The following ADGRG6 variants were observed in gnomAD, a reference collection of about 807,000 sequenced individuals.
ADGRG6 encodes the protein G-protein coupled receptor 126.
In ADGRG6, 84 loss-of-function variants were observed where a neutral mutation model predicts 142.4. The observed-to-expected ratio is 0.59, with a 90% CI of 0.49 to 0.71. The LOEUF (loss-of-function observed/expected upper bound fraction) is 0.71. Ranked by LOEUF, ADGRG6 falls within the 30% of genes least tolerant of loss-of-function variation. The probability of loss-of-function intolerance (pLI) is 0.00; values close to 1 mark genes in which losing one functional copy is unlikely to be tolerated. For missense variants in ADGRG6, 1,367 were observed against 1,466.6 expected (o/e 0.93, Z 1.11); for synonymous variants, 521 against 520.5 (o/e 1.00, Z -0.01).
intron 2 of ADGRG6, among the ~76,000 whole-genome samples, chr6:142,318,171 AT>A (rs1364937190): frequency 5.4e-5 from 2 of 36,958 alleles, no homozygotes; most frequent in Non-Finnish European, 8.1e-5. Flanking sequence ...TATATTATAT[AT>A]TTATATATTA....
In ADGRG6 at chr6:142,302,259, C is replaced by A. The variant is rs565511453; in HGVS notation, c.-71C>A. On this transcript the variant is annotated 5_prime_UTR_variant, in exon 1 of 25. Transcript: ENST00000367609. ...CCTGGGTTCCCCCTGGGTGGAGCAG[C>A]GGCAGCAGAGCGGGAAAGTGGTGGA... 7 of 1,580,372 alleles carry A rather than the reference C, an allele frequency of 4.4e-6. No homozygotes were observed. Among genetic ancestry groups the A allele is most frequent in the South Asian group, 1.2e-5 (1 of 86,570 alleles).
At chr6:142,442,429 T>G (rs1777800620) in intron 24 of ADGRG6, among the ~76,000 whole-genome samples, 1 of 152,058 alleles carries the variant, frequency 6.6e-6, no homozygotes, top group South Asian at 2.1e-4. Context: ...AGAGCATAAG[T>G]GGGTTTCAGA....
At chr6:142,431,868 A>C (rs1408475322) in intron 22 of ADGRG6, among the ~76,000 whole-genome samples, 8 of 152,170 alleles carry the variant, frequency 5.3e-5, no homozygotes, top group Admixed American at 5.2e-4. Flanking sequence ...GGTTGCAGTG[A>C]GCCAAGATCG....
At chr6:142,406,568 T>G (rs533166499) in intron 15 of ADGRG6, among the ~76,000 whole-genome samples, 9 of 152,314 alleles carry the variant, frequency 5.9e-5, no homozygotes, top group African/African-American at 2.2e-4. Context: ...TAGATCTGCC[T>G]TTATATGTCA....
At chr6:142,440,091 G>A (rs1777674459) in intron 24 of ADGRG6, among the ~76,000 whole-genome samples, 1 of 151,960 alleles carries the variant, frequency 6.6e-6, no homozygotes, top group Admixed American at 6.5e-5. Flanking sequence ...TCTTAAAAGA[G>A]GAAAGAAGAT....
chr6:142,339,766 C>A (rs1263964355), intron 2 of ADGRG6, among the ~76,000 whole-genome samples: 1 of 152,112 alleles, frequency 6.6e-6, no homozygotes, highest in African/African-American at 2.4e-5. Context: ...CCTTCTTAGC[C>A]TTTTAATTGC....
intron 2 of ADGRG6, among the ~76,000 whole-genome samples, chr6:142,336,763 T>C (rs1344258205): frequency 6.6e-6 from 1 of 152,238 alleles, no homozygotes; most frequent in African/African-American, 2.4e-5. Context: ...GTGGTATTAT[T>C]GTCACTATGC....
rs1342934500 is a variant in ADGRG6 at position 142,411,307 on chromosome 6, A to G, written c.2437A>G (p.Ser813Gly). 1 of 1,566,848 alleles carries G rather than the reference A, an allele frequency of 6.4e-7. No homozygotes were observed. The highest frequency in any genetic ancestry group is 1.7e-5 in the Admixed American group (1 of 59,882). ...CTGTTTGTTGATTCCTTCAACAGAA[A>G]GTTTTGGAGGATGGAACACGTCAGG... ...CAFWDLNKNK[S>G]FGGWNTSGCV... is the part of the protein sequence containing the mutation. Residue 813 changes from serine (S) to glycine (G), a missense_variant and splice_region_variant, in exon 18 of 25, where the codon AGT becomes GGT. By Grantham distance (56) the Ser-to-Gly change is moderately conservative. Coordinates refer to ENST00000367609, the MANE Select transcript of ADGRG6 (RefSeq NM_198569.3).
In ADGRG6 at chr6:142,443,594, G is replaced by A; in HGVS notation, c.*79G>A. The A allele has an allele frequency of 1.1e-6, 1 of 902,180 alleles. No homozygotes were observed. Among genetic ancestry groups the A allele is most frequent in the East Asian group, 2.5e-5 (1 of 39,718 alleles). The allele number at this position is 902,180 out of a possible 1,614,324, so 55.9% of individuals were successfully genotyped here. On this transcript the variant is annotated 3_prime_UTR_variant, in exon 25 of 25. Coordinates refer to ENST00000367609, the MANE Select transcript of ADGRG6 (RefSeq NM_198569.3). ...GTAAACTGCAACTAGTGATGTAAATGTGCTATTACCTAGGTAACTGCATAT... is the reference window on the plus strand; with the variant it reads ...GTAAACTGCAACTAGTGATGTAAATATGCTATTACCTAGGTAACTGCATAT...
At chr6:142,353,844 G>A (rs895424090) in intron 2 of ADGRG6, among the ~76,000 whole-genome samples, 3 of 152,200 alleles carry the variant, frequency 2.0e-5, no homozygotes, top group South Asian at 2.1e-4. Context: ...GAACTGGATA[G>A]GATATAGTGC....
At chr6:142,318,433 A>G (rs1257762818) in intron 2 of ADGRG6, among the ~76,000 whole-genome samples, 2 of 123,944 alleles carry the variant, frequency 1.6e-5, no homozygotes, top group East Asian at 2.1e-4. Context: ...TATATATTAT[A>G]TATTTATATA....
chr6:142,381,627 G>A (rs1045688477), intron 4 of ADGRG6, among the ~76,000 whole-genome samples: 2 of 152,110 alleles, frequency 1.3e-5, no homozygotes, highest in African/African-American at 4.8e-5. Context: ...TATTTTATTT[G>A]TATGAATTCC....
intron 5 of ADGRG6, among the ~76,000 whole-genome samples, chr6:142,383,542 C>A (rs879708999): frequency 3.3e-5 from 5 of 152,050 alleles, no homozygotes; most frequent in Non-Finnish European, 7.4e-5. Flanking sequence ...GCTCCAGACC[C>A]TTGTGTATTA....
chr6:142,352,249 TGTG>T (rs1780222296), intron 2 of ADGRG6, among the ~76,000 whole-genome samples: 2 of 152,112 alleles, frequency 1.3e-5, no homozygotes, highest in South Asian at 2.1e-4. Context: ...ATAAAGAAAA[TGTG>T]GTCCATGTAC....
intron 22 of ADGRG6, among the ~76,000 whole-genome samples, chr6:142,433,879 G>A (rs1348331339): frequency 3.3e-5 from 5 of 152,074 alleles, no homozygotes; most frequent in Non-Finnish European, 5.9e-5. Flanking sequence ...AACATAGTGA[G>A]ACCCCCACTT....
At chr6:142,396,659 A>G (rs148903324) in intron 9 of ADGRG6, among the ~76,000 whole-genome samples, 1 of 152,190 alleles carries the variant, frequency 6.6e-6, no homozygotes, top group Admixed American at 6.5e-5. Flanking sequence ...TGAAGACAGT[A>G]ACTGATCTCA....
chr6:142,338,013 C>CTTTTTT (rs1779405902), intron 2 of ADGRG6, among the ~76,000 whole-genome samples: 2 of 26,042 alleles, frequency 7.7e-5, no homozygotes, highest in Non-Finnish European at 6.9e-5. Context: ...TGCCTTGTAT[C>CTTTTTT]TTTGTTTTTT....
Position 142,444,232 on chromosome 6 carries a change from C to T in ADGRG6, c.*717C>T, listed in dbSNP as rs1777884760. On this transcript the variant is annotated 3_prime_UTR_variant, in exon 25 of 25. Transcript: ENST00000367609. ...GCATTAAGTATAATTTAATCCCATA[C>T]ATTCGAGTTAAGTTTAGTGTTGATG... 6.6e-6 allele frequency: 1 copy of T among 152,194 alleles called. No homozygotes were observed. The allele number at this position is 152,194 out of a possible 1,614,324, so 9.4% of individuals were successfully genotyped here. A position where few individuals can be genotyped will look rare whatever the true frequency, so the allele number is the denominator to read the frequency against.
At chr6:142,403,101 T>C (rs779404201) in intron 13 of ADGRG6, among the ~76,000 whole-genome samples, 2 of 152,040 alleles carry the variant, frequency 1.3e-5, no homozygotes, top group Admixed American at 6.6e-5. Context: ...AAATTTAGTT[T>C]AAAAATTATA....
Sources: allele counts gnomAD v4.1 joint callset (sites outside exome capture counted in the v4.1 genomes callset), GRCh38; gene constraint gnomAD v4.1.1; transcripts MANE v1.5; gene names NCBI Gene and HGNC (gene_info 2026-07-23, HGNC 2026-07-21).